Variants in KCNAB1 observed in about 807,000 individuals in gnomAD.
KCNAB1 encodes the protein voltage-gated potassium channel subunit beta-1.
KCNAB1 carries 35 observed loss-of-function variants against 64.6 expected under a neutral mutation model. The observed-to-expected ratio is 0.54, with a 90% confidence interval of 0.41 to 0.72. The LOEUF is 0.72. Ranked by LOEUF, KCNAB1 falls within the 30% of genes least tolerant of loss-of-function variation. The pLI, the probability that KCNAB1 is intolerant of heterozygous loss-of-function variation, is 0.00. For synonymous variants in KCNAB1, 177 were observed against 183.8 expected, an observed-to-expected ratio of 0.96 and a Z score of 0.30; for missense variants, 401 against 512.9, an observed-to-expected ratio of 0.78 and a Z score of 2.11.
At chr3:156,532,125 A>T (rs1483261136) in intron 13 of KCNAB1, among the ~76,000 whole-genome samples, 1 of 152,110 alleles carries the variant, frequency 6.6e-6, no homozygotes, top group Non-Finnish European at 1.5e-5. Flanking sequence ...TCTATTTTGG[A>T]CTTCCAGGAT....
intron 1 of KCNAB1, among the ~76,000 whole-genome samples, chr3:156,233,846 G>C (rs1186171104): frequency 1.3e-5 from 2 of 152,020 alleles, no homozygotes; most frequent in Non-Finnish European, 2.9e-5. Context: ...AACCTAACAT[G>C]CTGGAAGAGT....
At chr3:156,518,084 C>T (rs1717676131) in intron 11 of KCNAB1, among the ~76,000 whole-genome samples, 1 of 152,124 alleles carries the variant, frequency 6.6e-6, no homozygotes, top group Non-Finnish European at 1.5e-5. Flanking sequence ...AAAAATCTTT[C>T]ACAAATTCAC....
chr3:156,415,627 C>T (rs1715000858), intron 1 of KCNAB1, among the ~76,000 whole-genome samples: 1 of 152,164 alleles, frequency 6.6e-6, no homozygotes, highest in Non-Finnish European at 1.5e-5. Context: ...CCTGCTGAAA[C>T]CATCCCCTGC....
In KCNAB1 at chr3:156,530,466, G is replaced by A. The variant is rs907062; in HGVS notation, c.1082-943G>A. Reference sequence around the variant, plus strand: ...GATGGTTTAAGAGTACAGGTTTAAGGTCATTTTCGGGAAAAGAAAGATGAC... The same window carrying A: ...GATGGTTTAAGAGTACAGGTTTAAGATCATTTTCGGGAAAAGAAAGATGAC... On this transcript the variant is annotated intron_variant, in intron 12 of 13. Transcript: ENST00000490337. Among the ~76,000 whole-genome samples the A allele has an allele frequency of 3.9e-3, 587 of 152,262 alleles. 2 individuals carry two copies. The highest frequency in any genetic ancestry group is 0.013 in the African/African-American group (554 of 41,544).
Position 156,182,629 on chromosome 3 carries a change from T to TCCC in KCNAB1, c.275+61750_275+61752dup, listed in dbSNP as rs71138700. On this transcript the variant is annotated intron_variant, in intron 1 of 13. Transcript: ENST00000490337. ...CTTCTTTCCAGGGTTGGTTTTTTTT[T>TCCC]CCCCCCCCCGGGTCTTATCTTTTCT... Among the ~76,000 whole-genome samples, 680 of 120,448 alleles carry TCCC rather than the reference T, an allele frequency of 5.6e-3. 4 individuals are homozygous for TCCC. The highest frequency in any genetic ancestry group is 9.3e-3 in the Non-Finnish European group (510 of 54,946). 79.0% of individuals were successfully genotyped at this position (120,448 alleles called of 152,430 possible). A position where few individuals can be genotyped will look rare whatever the true frequency, so the allele number is the denominator to read the frequency against.
chr3:156,338,332 C>T (rs1429336639), intron 1 of KCNAB1, among the ~76,000 whole-genome samples: 20 of 8,424 alleles, frequency 2.4e-3, no homozygotes, highest in African/African-American at 0.011. Flanking sequence ...TTTTTTTTTA[C>T]AGAGTTTAAC....
rs530321778 is a variant in KCNAB1 at position 156,454,423 on chromosome 3, G to A, written c.357+1487G>A. Among the ~76,000 whole-genome samples, 24 of 152,176 alleles carry A rather than the reference G, an allele frequency of 1.6e-4. 1 individual carries two copies. The highest frequency in any genetic ancestry group is 1.2e-3 in the Admixed American group (18 of 15,282). Reference sequence around the variant, plus strand: ...CCAGTCATTGGACCAGAGGCTGATCGGGAAGCAGGTCTGACCTCGGGCTAG... The same window carrying A: ...CCAGTCATTGGACCAGAGGCTGATCAGGAAGCAGGTCTGACCTCGGGCTAG... On this transcript the variant is annotated intron_variant, in intron 3 of 13. Transcript: ENST00000490337.
intron 1 of KCNAB1, among the ~76,000 whole-genome samples, chr3:156,146,767 T>C (rs772639874): frequency 2.0e-5 from 3 of 152,202 alleles, no homozygotes; most frequent in Non-Finnish European, 4.4e-5. Flanking sequence ...AATTTTATAG[T>C]TTTTGCATAT....
At chr3:156,213,472 C>T (rs939654713) in intron 1 of KCNAB1, among the ~76,000 whole-genome samples, 1 of 152,152 alleles carries the variant, frequency 6.6e-6, no homozygotes, top group African/African-American at 2.4e-5. Context: ...CCTTAGCCTG[C>T]CAAAGTGCTC....
At chr3:156,420,433 A>G (rs193153138) in intron 1 of KCNAB1, among the ~76,000 whole-genome samples, 2 of 152,328 alleles carry the variant, frequency 1.3e-5, no homozygotes, top group East Asian at 1.9e-4. Context: ...CATTTTATAG[A>G]CAACATTAAT....
At chr3:156,312,703 CAAAAA>C (rs397991453) in intron 1 of KCNAB1, among the ~76,000 whole-genome samples, 2 of 27,424 alleles carry the variant, frequency 7.3e-5, no homozygotes, top group Non-Finnish European at 7.1e-5. Flanking sequence ...AGACTGTCTC[CAAAAA>C]AAAAAAAAAA....
At chr3:156,250,994 AT>A (rs1319123963) in intron 1 of KCNAB1, among the ~76,000 whole-genome samples, 1 of 152,178 alleles carries the variant, frequency 6.6e-6, no homozygotes, top group Non-Finnish European at 1.5e-5. Flanking sequence ...ATTTCGTACC[AT>A]TCTTTGATGC....
chr3:156,460,549 A>G (rs761967386), intron 5 of KCNAB1: 2 of 152,294 alleles, frequency 1.3e-5, no homozygotes, highest in Non-Finnish European at 2.9e-5. Context: ...CAGCCCCAAC[A>G]GCCACTACTT....
At chr3:156,234,878 A>G (rs1716760374) in intron 1 of KCNAB1, among the ~76,000 whole-genome samples, 1 of 152,194 alleles carries the variant, frequency 6.6e-6, no homozygotes, top group Non-Finnish European at 1.5e-5. Context: ...AGAGTTTGCT[A>G]TTATAAGAAA....
chr3:156,422,993 G>T (rs1715567457), intron 2 of KCNAB1, among the ~76,000 whole-genome samples: 1 of 152,180 alleles, frequency 6.6e-6, no homozygotes, highest in Non-Finnish European at 1.5e-5. Flanking sequence ...GCAAGATGGG[G>T]ACCAAGAATT....
intron 1 of KCNAB1, among the ~76,000 whole-genome samples, chr3:156,312,719 A>AAAAAAAAAAAAAAAG (rs1722002229): frequency 6.6e-6 from 1 of 150,832 alleles, no homozygotes; most frequent in Non-Finnish European, 1.5e-5. Flanking sequence ...AAAAAAAAAA[A>AAAAAAAAAAAAAAAG]AAAAAAAAAA....
chr3:156,242,799 T>C (rs1278497044), intron 1 of KCNAB1, among the ~76,000 whole-genome samples: 1 of 151,502 alleles, frequency 6.6e-6, no homozygotes, highest in Non-Finnish European at 1.5e-5. Context: ...GTTTTTTTTT[T>C]TTTTCTGTTT....
intron 1 of KCNAB1, among the ~76,000 whole-genome samples, chr3:156,417,285 A>G (rs557309564): frequency 1.3e-5 from 2 of 152,354 alleles, no homozygotes; most frequent in Admixed American, 6.5e-5. Flanking sequence ...ATAATTCAGA[A>G]GGATCAGAAA....
intron 1 of KCNAB1, among the ~76,000 whole-genome samples, chr3:156,235,324 C>G (rs768026736): frequency 6.6e-6 from 1 of 152,214 alleles, no homozygotes; most frequent in Non-Finnish European, 1.5e-5. Context: ...TTCATGTCAC[C>G]TATTTTGTGT....
Sources: allele counts gnomAD v4.1 joint callset (sites outside exome capture counted in the v4.1 genomes callset), GRCh38; gene constraint gnomAD v4.1.1; transcripts MANE v1.5; gene names NCBI Gene and HGNC (gene_info 2026-07-23, HGNC 2026-07-21).